Variants in CHST11 observed in about 807,000 individuals in gnomAD.
CHST11 encodes the protein C4S-1.
A neutral mutation model predicts 30.4 loss-of-function variants in CHST11; 9 were observed. The ratio of observed to expected loss-of-function variants is 0.30; its 90% confidence interval spans 0.18 to 0.52. The LOEUF (loss-of-function observed/expected upper bound fraction) is 0.52, where lower values mean the gene tolerates loss of function less well. CHST11 is among the 20% of genes least tolerant of loss of function. The pLI, the probability that CHST11 is intolerant of heterozygous loss-of-function variation, is 0.97. For missense variants in CHST11, 348 were observed against 460.6 expected (o/e 0.76, Z 2.24); for synonymous variants, 152 against 187.8 (o/e 0.81, Z 1.56).
intron 1 of CHST11, among the ~76,000 whole-genome samples, chr12:104,467,381 A>G (rs1428664840): frequency 1.3e-5 from 2 of 152,342 alleles, no homozygotes; most frequent in African/African-American, 2.4e-5. Flanking sequence ...CTTTTGTGGC[A>G]CAGTGTCCAC....
intron 2 of CHST11, among the ~76,000 whole-genome samples, chr12:104,674,531 A>C (rs861345): frequency 0.2 from 30,793 of 152,162 alleles, 4,545 homozygotes; most frequent in African/African-American, 0.42. Flanking sequence ...CTGGGATTCA[A>C]ACCCAGGCCC....
At chr12:104,648,000 C>G (rs913729702) in intron 2 of CHST11, among the ~76,000 whole-genome samples, 1 of 152,188 alleles carries the variant, frequency 6.6e-6, no homozygotes, top group Non-Finnish European at 1.5e-5. Flanking sequence ...TATGCCTTTT[C>G]TATGACTTGG....
chr12:104,627,024 G>A (rs567237170), intron 2 of CHST11, among the ~76,000 whole-genome samples: 1 of 152,084 alleles, frequency 6.6e-6, no homozygotes, highest in South Asian at 2.1e-4. Flanking sequence ...CCAAGCACTG[G>A]CAACCCCTGA....
intron 2 of CHST11, among the ~76,000 whole-genome samples, chr12:104,628,174 C>T (rs763052390): frequency 6.6e-6 from 1 of 152,256 alleles, no homozygotes; most frequent in Non-Finnish European, 1.5e-5. Flanking sequence ...CTCAGGGCCC[C>T]GACATTCGCC....
chr12:104,642,751 G>A (rs1447576134), intron 2 of CHST11, among the ~76,000 whole-genome samples: 1 of 152,042 alleles, frequency 6.6e-6, no homozygotes, highest in African/African-American at 2.4e-5. Context: ...CTGTGTCTAG[G>A]TGGTTGGAAT....
intron 2 of CHST11, among the ~76,000 whole-genome samples, 165 bp from the exon 3 acceptor site, chr12:104,756,784 C>T (rs764673312): frequency 9.9e-5 from 15 of 152,240 alleles, no homozygotes; most frequent in Middle Eastern, 6.8e-3. Flanking sequence ...TGGCCTCAAG[C>T]GATCCTCCTG....
intron 2 of CHST11, among the ~76,000 whole-genome samples, chr12:104,624,832 G>T (rs2039196438): frequency 6.6e-6 from 1 of 152,182 alleles, no homozygotes; most frequent in South Asian, 2.1e-4. Flanking sequence ...AGTAAGGTTG[G>T]TTTCTGGTGA....
intron 1 of CHST11, among the ~76,000 whole-genome samples, chr12:104,574,022 C>G (rs2038657176): frequency 6.6e-6 from 1 of 152,172 alleles, no homozygotes; most frequent in African/African-American, 2.4e-5. Flanking sequence ...AAGAAAAAAA[C>G]AAACAACCCC....
At chr12:104,686,092 G>C (rs1030379280) in intron 2 of CHST11, among the ~76,000 whole-genome samples, 1 of 151,982 alleles carries the variant, frequency 6.6e-6, no homozygotes, top group Admixed American at 6.6e-5. Flanking sequence ...AATTAGCTGG[G>C]CATGGTGGTG....
At chr12:104,731,660 T>A (rs535630948) in intron 2 of CHST11, among the ~76,000 whole-genome samples, 42 of 152,036 alleles carry the variant, frequency 2.8e-4, no homozygotes, top group African/African-American at 9.4e-4. Flanking sequence ...AGCGTTTCCA[T>A]CTGTAAATTG....
At chr12:104,735,523 T>C (rs1398817987) in intron 2 of CHST11, among the ~76,000 whole-genome samples, 1 of 152,100 alleles carries the variant, frequency 6.6e-6, no homozygotes, top group Non-Finnish European at 1.5e-5. Context: ...GGCTGGGTCA[T>C]CCGAGACATC....
At chr12:104,722,250 G>A (rs760300470) in intron 2 of CHST11, among the ~76,000 whole-genome samples, 4 of 151,396 alleles carry the variant, frequency 2.6e-5, no homozygotes, top group Non-Finnish European at 4.4e-5. Flanking sequence ...CCATCTGCCC[G>A]CCTTAGCCTC....
At chr12:104,627,861 G>T (rs575864004) in intron 2 of CHST11, among the ~76,000 whole-genome samples, 1 of 152,332 alleles carries the variant, frequency 6.6e-6, no homozygotes, top group South Asian at 2.1e-4. Flanking sequence ...AGCAGCAGCA[G>T]CAGTGGCAGG....
At chr12:104,696,482 C>CAAAAAAAGAAAA (rs2039946527) in intron 2 of CHST11, among the ~76,000 whole-genome samples, 1 of 69,140 alleles carries the variant, frequency 1.4e-5, no homozygotes, top group Non-Finnish European at 2.5e-5. Context: ...GCTAAAAATA[C>CAAAAAAAGAAAA]AAAAAAAAAA....
At chr12:104,744,911 T>A (rs2040378696) in intron 2 of CHST11, among the ~76,000 whole-genome samples, 1 of 152,050 alleles carries the variant, frequency 6.6e-6, no homozygotes, top group Non-Finnish European at 1.5e-5. Flanking sequence ...TCTTGCTCTC[T>A]TGCCCAGGCT....
intron 2 of CHST11, among the ~76,000 whole-genome samples, chr12:104,725,011 G>A (rs950090278): frequency 6.6e-6 from 1 of 152,152 alleles, no homozygotes; most frequent in Non-Finnish European, 1.5e-5. Context: ...TGGTGCTTTA[G>A]GGCTGGAAGT....
At chr12:104,644,186 C>T (rs1406393420) in intron 2 of CHST11, among the ~76,000 whole-genome samples, 1 of 152,136 alleles carries the variant, frequency 6.6e-6, no homozygotes, top group Non-Finnish European at 1.5e-5. Context: ...CTGCCGCAGC[C>T]ACCCTCCCAG....
At chr12:104,473,834 G>T (rs1288369445) in intron 1 of CHST11, among the ~76,000 whole-genome samples, 1 of 151,986 alleles carries the variant, frequency 6.6e-6, no homozygotes, top group African/African-American at 2.4e-5. Flanking sequence ...GCCTGTCGAT[G>T]AATAATTGAG....
chr12:104,626,671 A>G (rs1046950217), intron 2 of CHST11, among the ~76,000 whole-genome samples: 2 of 149,680 alleles, frequency 1.3e-5, no homozygotes, highest in Non-Finnish European at 1.5e-5. Context: ...CCTGTTTTCC[A>G]TGTGATTTGT....
Sources: allele counts gnomAD v4.1 joint callset (sites outside exome capture counted in the v4.1 genomes callset), GRCh38; gene constraint gnomAD v4.1.1; transcripts MANE v1.5; gene names NCBI Gene and HGNC (gene_info 2026-07-23, HGNC 2026-07-21).